MMP16: variants seen among roughly 807,000 people sequenced by gnomAD.
MMP16 encodes the protein matrix metallopeptidase 16.
In MMP16, 12 loss-of-function variants were observed where a neutral mutation model predicts 67.8. The observed-to-expected ratio is 0.18, with a 90% CI of 0.11 to 0.29. The LOEUF is 0.29. MMP16 is among the 10% of genes least tolerant of loss of function. The pLI is 1.00. For missense variants in MMP16, 475 were observed against 765.7 expected (o/e 0.62, Z 4.48); for synonymous variants, 249 against 255.9 (o/e 0.97, Z 0.26).
intron 6 of MMP16, among the ~76,000 whole-genome samples, chr8:88,085,663 A>C (rs1433069147): frequency 6.6e-6 from 1 of 152,006 alleles, no homozygotes; most frequent in Admixed American, 6.6e-5. Context: ...ATTTCCCTTA[A>C]TGTCTTTATT....
At position 88,194,311 on chromosome 8, in the gene MMP16, TAA is replaced by T. The variant is rs560334566; in HGVS notation, c.281+2845_281+2846del. 6.3e-3 allele frequency among the ~76,000 whole-genome samples: 964 copies of T among 152,138 alleles called. 3 individuals carry two copies. Among genetic ancestry groups the T allele is most frequent in the Non-Finnish European group, 0.011 (757 of 67,962 alleles). Reference sequence around the variant, plus strand: ...AAGAGTTCATAGCATCGAAAATGGTTAAGACATTATATTAATACTGAGGAATA... The same window carrying T: ...AAGAGTTCATAGCATCGAAAATGGTTGACATTATATTAATACTGAGGAATA... On this transcript the variant is annotated intron_variant, in intron 2 of 9. Coordinates refer to ENST00000286614, the MANE Select transcript of MMP16 (RefSeq NM_005941.5).
intron 6 of MMP16, among the ~76,000 whole-genome samples, chr8:88,084,728 C>A (rs747917327): frequency 1.3e-5 from 2 of 151,872 alleles, no homozygotes; most frequent in Non-Finnish European, 2.9e-5. Context: ...TGCAACTTTT[C>A]TGTATTTGTG....
chr8:88,260,257 C>G (rs1045758648), intron 1 of MMP16, among the ~76,000 whole-genome samples: 6 of 152,082 alleles, frequency 3.9e-5, no homozygotes, highest in Admixed American at 3.9e-4. Flanking sequence ...TGAAACAGTT[C>G]CTTCACAAAA....
intron 6 of MMP16, among the ~76,000 whole-genome samples, chr8:88,091,252 A>G (rs1808930602): frequency 1.3e-5 from 2 of 151,836 alleles, no homozygotes; most frequent in South Asian, 2.1e-4. Flanking sequence ...TTTTTTTCAT[A>G]TAAGACCAAT....
chr8:88,288,312 A>G (rs2130011051), intron 1 of MMP16, among the ~76,000 whole-genome samples: 1 of 152,364 alleles, frequency 6.6e-6, no homozygotes, highest in African/African-American at 2.4e-5. Flanking sequence ...AAGCAGTTGC[A>G]GCAATTAACA....
chr8:88,240,203 T>C (rs570786118), intron 1 of MMP16, among the ~76,000 whole-genome samples: 1 of 152,342 alleles, frequency 6.6e-6, no homozygotes, highest in East Asian at 1.9e-4. Context: ...AACTGGTCAC[T>C]AACCATCAGC....
chr8:88,118,014 T>C (rs2118433807), intron 5 of MMP16, among the ~76,000 whole-genome samples: 1 of 152,228 alleles, frequency 6.6e-6, no homozygotes, highest in African/African-American at 2.4e-5. Context: ...GAAGTTACGA[T>C]TATAGTAAAT....
intron 1 of MMP16, among the ~76,000 whole-genome samples, chr8:88,261,105 G>A (rs867265159): frequency 3.2e-4 from 48 of 152,232 alleles, no homozygotes; most frequent in African/African-American, 1.1e-3. Context: ...TTGAAGATAT[G>A]CCTCAAATAT....
At chr8:88,113,074 A>G (rs1016324788) in intron 6 of MMP16, among the ~76,000 whole-genome samples, 6 of 151,882 alleles carry the variant, frequency 4.0e-5, no homozygotes, top group Admixed American at 3.9e-4. Flanking sequence ...CAGTTTGATT[A>G]TGCATTTCTT....
intron 1 of MMP16, among the ~76,000 whole-genome samples, chr8:88,319,352 G>A (rs1326965403): frequency 1.3e-5 from 2 of 151,914 alleles, no homozygotes; most frequent in Non-Finnish European, 2.9e-5. Flanking sequence ...ACAGAGGGGA[G>A]GGGTAAAAAT....
intron 1 of MMP16, among the ~76,000 whole-genome samples, chr8:88,266,295 T>A (rs917375254): frequency 2.6e-5 from 4 of 152,222 alleles, no homozygotes; most frequent in Non-Finnish European, 5.9e-5. Context: ...TCCATCAGAC[T>A]AAGACCATCT....
chr8:88,082,203 T>C (rs575498973), intron 6 of MMP16, among the ~76,000 whole-genome samples: 1 of 151,758 alleles, frequency 6.6e-6, no homozygotes, highest in East Asian at 1.9e-4. Context: ...TAGGGAAAGA[T>C]ACTCAACTTC....
intron 1 of MMP16, among the ~76,000 whole-genome samples, chr8:88,239,572 A>G (rs1195128256): frequency 6.6e-6 from 1 of 151,890 alleles, no homozygotes; most frequent in Non-Finnish European, 1.5e-5. Flanking sequence ...AAATGGGTAG[A>G]GAATTAAGCT....
intron 1 of MMP16, among the ~76,000 whole-genome samples, chr8:88,260,667 A>C (rs1042331119): frequency 3.9e-5 from 6 of 152,280 alleles, no homozygotes; most frequent in Non-Finnish European, 5.9e-5. Context: ...CAAAATTATT[A>C]GGGAAAAAAA....
chr8:88,303,207 C>CCAGG (rs2130047780), intron 1 of MMP16, among the ~76,000 whole-genome samples: 2 of 152,288 alleles, frequency 1.3e-5, no homozygotes, highest in South Asian at 4.2e-4. Flanking sequence ...ATCCAGGGAG[C>CCAGG]CAGGCAGCGT....
chr8:88,081,561 G>A (rs2118309789), intron 6 of MMP16, among the ~76,000 whole-genome samples: 1 of 152,132 alleles, frequency 6.6e-6, no homozygotes, highest in African/African-American at 2.4e-5. Flanking sequence ...ACCAGCCTGG[G>A]CAATACAGTG....
intron 8 of MMP16, among the ~76,000 whole-genome samples, chr8:88,050,986 A>G (rs1808263131): frequency 6.6e-6 from 1 of 152,164 alleles, no homozygotes; most frequent in African/African-American, 2.4e-5. Flanking sequence ...ACATAAATGC[A>G]TTTTTCCCTC....
chr8:88,285,527 T>C (rs2130004180), intron 1 of MMP16, among the ~76,000 whole-genome samples: 1 of 152,314 alleles, frequency 6.6e-6, no homozygotes, highest in African/African-American at 2.4e-5. Flanking sequence ...TTCTTCACTT[T>C]CAAAGTATCA....
chr8:88,049,093 T>C (rs1003841917), intron 8 of MMP16, among the ~76,000 whole-genome samples: 1 of 152,172 alleles, frequency 6.6e-6, no homozygotes, highest in Non-Finnish European at 1.5e-5. Context: ...AAAGGGAAAC[T>C]GTCACAGGTA....
Sources: gnomAD v4.1 joint callset for allele counts (sites outside exome capture counted in the v4.1 genomes callset) on GRCh38, gnomAD v4.1.1 for gene constraint, MANE v1.5 for transcripts, NCBI Gene and HGNC (gene_info 2026-07-23, HGNC 2026-07-21) for gene names.